The following TMF1 variants were observed in gnomAD, a reference collection of about 807,000 sequenced individuals.
TMF1 encodes TATA element modulatory factor.
Under a neutral mutation model 126.5 loss-of-function variants are expected in TMF1, and 71 were observed. The ratio of observed to expected loss-of-function variants is 0.56; its 90% CI spans 0.46 to 0.68. The LOEUF (loss-of-function observed/expected upper bound fraction) is 0.68. Ranked by LOEUF, TMF1 falls within the 30% of genes least tolerant of loss-of-function variation. The probability of loss-of-function intolerance (pLI) is 0.00; values close to 1 mark genes in which losing one functional copy is unlikely to be tolerated. For synonymous variants in TMF1, 461 were observed against 430.5 expected (o/e 1.07, Z -0.88); for missense variants, 1,259 against 1,253.2 (o/e 1.00, Z -0.07).
intron 1 of TMF1, 69 bp from the exon 2 acceptor site, chr3:69,048,631 A>G (rs1373683862): frequency 1.5e-6 from 2 of 1,318,168 alleles, no homozygotes; most frequent in African/African-American, 3.0e-5. Flanking sequence ...TCATCATTAT[A>G]AATCAGTATA....
chr3:69,052,274 C>T lies in TMF1; in HGVS notation c.-188G>A, dbSNP rs924290854. 16 of 528,910 alleles carry T rather than the reference C, an allele frequency of 3.0e-5. No homozygotes were observed. The highest frequency in any genetic ancestry group is 4.5e-5 in the Non-Finnish European group (14 of 310,510). 32.8% of individuals were successfully genotyped at this position (528,910 alleles called of 1,614,324 possible). ...CTCGGCCGTTCCCGCACAGCTGAGA[C>T]GAAGGGGGCCCATGTGCGCATGCGC... On this transcript the variant is annotated 5_prime_UTR_variant, in exon 1 of 17. Coordinates refer to ENST00000398559, the MANE Select transcript of TMF1 (RefSeq NM_007114.3).
At chr3:69,038,204 C>T (rs779552233) in intron 8 of TMF1, among the ~76,000 whole-genome samples, 8 of 152,184 alleles carry the variant, frequency 5.3e-5, no homozygotes, top group Non-Finnish European at 7.3e-5. Flanking sequence ...TTTCCTACTT[C>T]ATCTGAGGTC....
At position 69,047,465 on chromosome 3, in the gene TMF1, A is replaced by G. The variant is rs779015389; in HGVS notation, c.1240T>C (p.Ser414Pro). The change falls in exon 2 of 17, where the codon TCC becomes CCC. Residue 414 changes from serine to proline, a missense_variant. By Grantham distance (74) the Ser-to-Pro change is moderately conservative. Transcript: ENST00000398559. ...GTCTGTCCTTCATTTATTGGTGTGG[A>G]AGAAACCAAGATATCAGGCTGTTCA... ...NCEQPDILVSSTPINEGQTVL... is the reference protein window; with the variant it reads ...NCEQPDILVSPTPINEGQTVL... 2 of 1,614,068 alleles carry G rather than the reference A, an allele frequency of 1.2e-6. No individual in the cohort carries two copies. The highest frequency in any genetic ancestry group is 3.3e-5 in the Admixed American group (2 of 60,010).
In TMF1 at chr3:69,046,288, T is replaced by C. The variant is rs189206096; in HGVS notation, c.1347+1070A>G. Among the ~76,000 whole-genome samples, 193 of 74,246 alleles carry C rather than the reference T, an allele frequency of 2.6e-3. 2 individuals are homozygous for C. Among genetic ancestry groups the C allele is most frequent in the Admixed American group, 7.3e-3 (41 of 5,620 alleles). The allele number at this position is 74,246 out of a possible 152,430, so 48.7% of individuals were successfully genotyped here. On this transcript the variant is annotated intron_variant, in intron 2 of 16. Transcript: ENST00000398559. ...TAAAAGGAGTAGGAAGGGTTCCTTT[T>C]TGGACTCAAAAAAATAGTCTTACCT...
At chr3:69,045,011 G>C (rs1157776978) in intron 2 of TMF1, among the ~76,000 whole-genome samples, 1 of 152,148 alleles carries the variant, frequency 6.6e-6, no homozygotes, top group Non-Finnish European at 1.5e-5. Context: ...CACACCAAAA[G>C]AAGAAGGGAG....
At position 69,035,216 on chromosome 3, in the gene TMF1, T is replaced by A. The variant is rs1575813369; in HGVS notation, c.2152-101A>T. On this transcript the variant is annotated intron_variant, in intron 8 of 16. Transcript: ENST00000398559. ...GTGTTGTGTCAACATTGTTCATGTA[T>A]ACTATTTCATACTCTCCAATGAACT... The A allele has an allele frequency of 1.0e-5, 9 of 871,086 alleles. No individual in the cohort carries two copies. In the East Asian group the frequency reaches 2.2e-4, roughly 22 times the overall value. 54.0% of individuals were successfully genotyped at this position (871,086 alleles called of 1,614,324 possible).
At chr3:69,041,000 A>G (rs983703853) in intron 5 of TMF1, among the ~76,000 whole-genome samples, 1 of 152,192 alleles carries the variant, frequency 6.6e-6, no homozygotes, top group Non-Finnish European at 1.5e-5. Context: ...TACTCTGTGA[A>G]TATAAAATAC....
At chr3:69,023,346 T>C in intron 16 of TMF1, 26 bp from the exon 17 acceptor site, 4 of 1,578,934 alleles carry the variant, frequency 2.5e-6, no homozygotes, top group Non-Finnish European at 3.5e-6. Flanking sequence ...GTTTACAATT[T>C]TTAAAATAAC....
chr3:69,043,823 T>C lies in TMF1; in HGVS notation c.1505A>G (p.Glu502Gly). 1 of 1,611,900 alleles carries C rather than the reference T, an allele frequency of 6.2e-7. No homozygotes were observed. Among genetic ancestry groups the C allele is most frequent in the South Asian group, 1.1e-5 (1 of 90,626 alleles). The part of the protein sequence containing the change: ...ESSSISSLKD[E>G]FTQRIAEAEK... Reference sequence around the variant, plus strand: ...TGCTTCTGCAATTCTTTGAGTAAACTCATCTTTCAAGGAAGAAATGCTACT... The same window carrying C: ...TGCTTCTGCAATTCTTTGAGTAAACCCATCTTTCAAGGAAGAAATGCTACT... Residue 502 changes from glutamate (E) to glycine (G), a missense_variant, in exon 4 of 17, where the codon GAG becomes GGG. By Grantham distance (98) the Glu-to-Gly change is moderately conservative. Transcript: ENST00000398559.
intron 1 of TMF1, among the ~76,000 whole-genome samples, chr3:69,050,290 T>C (rs1205533185): frequency 6.6e-6 from 1 of 150,636 alleles, no homozygotes; most frequent in Non-Finnish European, 1.5e-5. Flanking sequence ...AACAAATATA[T>C]ATATATGTAA....
At chr3:69,036,963 G>A in intron 8 of TMF1, among the ~76,000 whole-genome samples, 1 of 151,328 alleles carries the variant, frequency 6.6e-6, no homozygotes, top group Non-Finnish European at 1.5e-5. Flanking sequence ...GGCATCAAAG[G>A]ACACTATCAA....
intron 10 of TMF1, among the ~76,000 whole-genome samples, chr3:69,032,219 T>C (rs974011832): frequency 6.6e-6 from 1 of 152,140 alleles, no homozygotes. Context: ...CAAAGGTATC[T>C]AAGAGTCCAC....
chr3:69,042,819 A>G lies in TMF1; in HGVS notation c.1672T>C (p.Leu558=), dbSNP rs2091875100. The change falls in exon 5 of 17, where the codon TTA becomes CTA. Residue 558 remains leucine (L), a synonymous_variant. Transcript: ENST00000398559. ...LKEKDEQIRG[L]MEEGEKLSKQ... The stretch of plus-strand genomic sequence containing the variant: ...ATACTATACGCACCTTCTTCCATTA[A>G]CCCTCGGATCTGCTCATCTTTCTCT... The G allele has an allele frequency of 1.9e-6, 3 of 1,613,024 alleles. No homozygotes were observed. Among genetic ancestry groups the G allele is most frequent in the Non-Finnish European group, 2.5e-6 (3 of 1,179,574 alleles).
intron 8 of TMF1, among the ~76,000 whole-genome samples, chr3:69,038,288 T>G (rs1170801020): frequency 6.6e-6 from 1 of 152,222 alleles, no homozygotes; most frequent in African/African-American, 2.4e-5. Context: ...GCAATATGTA[T>G]GTGCATTTTT....
rs376295784 is a variant in TMF1 at position 69,048,285 on chromosome 3, G to A, written c.420C>T (p.Gly140=). Reference sequence around the variant, plus strand: ...CAGTTGTTTCAGGAGTTCTTGACTGGCCAATGTGCAAGGATTCATGTAAGC... The same window carrying A: ...CAGTTGTTTCAGGAGTTCTTGACTGACCAATGTGCAAGGATTCATGTAAGC... The part of the protein sequence containing the change: ...KSSLHESLHI[G]QSRTPETTES... Residue 140 remains glycine, a synonymous_variant, in exon 2 of 17, where the codon GGC becomes GGT. Transcript: ENST00000398559. 6.2e-7 allele frequency: 1 copy of A among 1,614,028 alleles called. No homozygotes were observed.
chr3:69,042,625 G>A (rs758242083), intron 5 of TMF1, 182 bp downstream of exon 5: 7 of 691,290 alleles, frequency 1.0e-5, no homozygotes, highest in Middle Eastern at 2.3e-4. Flanking sequence ...CTAGAAACAC[G>A]TATCTCTGTC....
rs1384118490 is a variant in TMF1 at position 69,038,638 on chromosome 3, T to C, written c.2077A>G (p.Lys693Glu). The change falls in exon 8 of 17, where the codon AAA becomes GAA. Residue 693 changes from lysine to glutamate, a missense_variant. Coordinates refer to ENST00000398559, the MANE Select transcript of TMF1 (RefSeq NM_007114.3). Reference protein sequence around the residue: ...EAALSREMKAKEELSAALEKA... With the variant: ...EAALSREMKAEEELSAALEKA... The stretch of plus-strand genomic sequence containing the variant: ...TCTAATGCTGCAGAAAGTTCTTCTT[T>C]AGCTTTCATTTCACGGCTCAGAGCA... The C allele has an allele frequency of 6.2e-7, 1 of 1,614,190 alleles. No individual in the cohort carries two copies. The highest frequency in any genetic ancestry group is 8.5e-7 in the Non-Finnish European group (1 of 1,180,016).
chr3:69,033,809 G>A (rs910484730), intron 9 of TMF1, 105 bp from the exon 10 acceptor site: 18 of 1,082,016 alleles, frequency 1.7e-5, no homozygotes, highest in Non-Finnish European at 2.2e-5. Context: ...ATTTTTCCAA[G>A]AGAAAATAAT....
At position 69,048,064 on chromosome 3, in the gene TMF1, G is replaced by A. The variant is rs532974631; in HGVS notation, c.641C>T (p.Ser214Phe). 2 of 1,614,096 alleles carry A rather than the reference G, an allele frequency of 1.2e-6. No homozygotes were observed. The highest frequency in any genetic ancestry group is 1.3e-5 in the African/African-American group (1 of 75,046). The part of the protein sequence containing the change: ...KTTMESISNT[S>F]TQSLTAETKD... ...TGTTTCTGCTGTGAGAGACTGCGTAGACGTATTAGATATACTTTCCATAGT... is the reference window on the plus strand; with the variant it reads ...TGTTTCTGCTGTGAGAGACTGCGTAAACGTATTAGATATACTTTCCATAGT... Residue 214 changes from serine (S) to phenylalanine (F), a missense_variant, in exon 2 of 17, where the codon TCT becomes TTT. Transcript: ENST00000398559.
Sources: allele counts gnomAD v4.1 joint callset (sites outside exome capture counted in the v4.1 genomes callset), GRCh38; gene constraint gnomAD v4.1.1; transcripts MANE v1.5; gene names NCBI Gene and HGNC (gene_info 2026-07-23, HGNC 2026-07-21).